Variants in RBM47 observed in about 807,000 individuals in gnomAD.
RBM47 encodes the protein RNA-binding protein 47.
Under a neutral mutation model 47.1 loss-of-function variants are expected in RBM47, and 21 were observed. The observed-to-expected ratio is 0.45, with a 90% CI of 0.32 to 0.64. The LOEUF (loss-of-function observed/expected upper bound fraction) is 0.64, where lower values mean the gene tolerates loss of function less well. Ranked by LOEUF, RBM47 falls within the 30% of genes least tolerant of loss-of-function variation. The pLI is 0.05. For missense variants in RBM47, 708 were observed against 870.9 expected, an observed-to-expected ratio of 0.81 and a Z score of 2.35; for synonymous variants, 375 against 361.7, an observed-to-expected ratio of 1.04 and a Z score of -0.42.
chr4:40,430,229 C>CAAAA (rs762752275), intron 6 of RBM47, among the ~76,000 whole-genome samples: 12 of 119,498 alleles, frequency 1.0e-4, no homozygotes, highest in African/African-American at 4.2e-4. Context: ...AACAAACAAA[C>CAAAA]AAAAAAAGAC....
At chr4:40,454,104 T>C (rs923045530) in intron 3 of RBM47, among the ~76,000 whole-genome samples, 5 of 152,204 alleles carry the variant, frequency 3.3e-5, no homozygotes, top group African/African-American at 9.6e-5. Flanking sequence ...CGTTTACATA[T>C]AGTCTGTGGC....
At chr4:40,504,739 T>C (rs532751514) in intron 2 of RBM47, among the ~76,000 whole-genome samples, 71 of 152,352 alleles carry the variant, frequency 4.7e-4, no homozygotes, top group Middle Eastern at 3.4e-3. Flanking sequence ...AAAAGAATAT[T>C]GGATTACTTA....
At chr4:40,475,585 AAAAC>A (rs1719485815) in intron 2 of RBM47, 1 of 152,236 alleles carries the variant, frequency 6.6e-6, no homozygotes, top group South Asian at 2.1e-4. Flanking sequence ...CTTCAATTAA[AAAAC>A]AAACAATATG....
intron 1 of RBM47, among the ~76,000 whole-genome samples, chr4:40,562,228 C>T (rs561972898): frequency 1.1e-3 from 170 of 152,112 alleles, no homozygotes; most frequent in Middle Eastern, 6.8e-3. Flanking sequence ...AGGATTAACA[C>T]GATCAAAGAA....
Position 40,605,973 on chromosome 4 carries a change from G to A in RBM47, c.-240+23423C>T, listed in dbSNP as rs1453604748. The stretch of plus-strand genomic sequence containing the variant: ...AGCACTTTGGGAGGCTGAGGCAGGC[G>A]GATCACTTGAGGTCAGGAATTCGAG... On this transcript the variant is annotated intron_variant, in intron 1 of 6. Transcript: ENST00000295971. Among the ~76,000 whole-genome samples the A allele has an allele frequency of 6.0e-5, 9 of 150,500 alleles. No homozygotes were observed. The East Asian group carries it at 7.9e-4, about 13-fold the overall frequency.
chr4:40,484,597 T>C (rs747891085), intron 2 of RBM47, among the ~76,000 whole-genome samples: 3 of 152,370 alleles, frequency 2.0e-5, no homozygotes, highest in South Asian at 4.1e-4. Context: ...CTTTTGATCA[T>C]GAGCTGCAAA....
At chr4:40,517,625 C>A (rs1466500978) in intron 2 of RBM47, among the ~76,000 whole-genome samples, 1 of 152,166 alleles carries the variant, frequency 6.6e-6, no homozygotes, top group Non-Finnish European at 1.5e-5. Context: ...CTGTGGGTTC[C>A]GCATCCCTGA....
intron 2 of RBM47, among the ~76,000 whole-genome samples, chr4:40,516,253 T>TTTTC (rs34594357): frequency 0.14 from 19,693 of 145,088 alleles, 1,502 homozygotes; most frequent in East Asian, 0.2. Context: ...TCTCTTTTTC[T>TTTTC]TTTCTTTCTT....
chr4:40,431,944 C>T (rs1030065671), intron 6 of RBM47, among the ~76,000 whole-genome samples: 1 of 151,612 alleles, frequency 6.6e-6, no homozygotes, highest in African/African-American at 2.4e-5. Flanking sequence ...GACCTCAAGG[C>T]TGGTCAAGTG....
At chr4:40,605,673 A>C (rs1414701687) in intron 1 of RBM47, among the ~76,000 whole-genome samples, 3 of 151,680 alleles carry the variant, frequency 2.0e-5, no homozygotes, top group Admixed American at 1.3e-4. Context: ...TCTACTAAAA[A>C]TACAAAAATT....
intron 2 of RBM47, among the ~76,000 whole-genome samples, chr4:40,483,466 C>G (rs1720688308): frequency 6.6e-6 from 1 of 152,220 alleles, no homozygotes; most frequent in South Asian, 2.1e-4. Flanking sequence ...GAGAGGACTT[C>G]AAGTTCTCCT....
chr4:40,474,918 T>G (rs1356183765), intron 2 of RBM47, among the ~76,000 whole-genome samples: 5 of 152,204 alleles, frequency 3.3e-5, no homozygotes, highest in Non-Finnish European at 7.4e-5. Context: ...TATTTTTCTT[T>G]AAAAGATTAG....
intron 2 of RBM47, among the ~76,000 whole-genome samples, chr4:40,482,480 C>T (rs1412052686): frequency 6.6e-6 from 1 of 152,106 alleles, no homozygotes; most frequent in Non-Finnish European, 1.5e-5. Flanking sequence ...TCTTGAACTC[C>T]TGACCTCAGG....
intron 2 of RBM47, among the ~76,000 whole-genome samples, chr4:40,470,288 G>A (rs1225039248): frequency 2.6e-5 from 4 of 151,562 alleles, no homozygotes; most frequent in Admixed American, 6.6e-5. Context: ...TCTTTATAAA[G>A]ACCAAATGGG....
intron 1 of RBM47, among the ~76,000 whole-genome samples, chr4:40,614,360 C>G (rs1736520701): frequency 6.6e-6 from 1 of 152,070 alleles, no homozygotes; most frequent in Admixed American, 6.6e-5. Flanking sequence ...AAGCCTAGTC[C>G]AAAATCTCCC....
chr4:40,457,434 A>AC (rs1339945939), intron 3 of RBM47, among the ~76,000 whole-genome samples: 3 of 151,704 alleles, frequency 2.0e-5, no homozygotes, highest in Non-Finnish European at 4.4e-5. Context: ...AAAAAAAAAA[A>AC]AAAACAAAAA....
intron 1 of RBM47, among the ~76,000 whole-genome samples, chr4:40,566,276 C>G (rs1306705429): frequency 6.6e-6 from 1 of 152,138 alleles, no homozygotes. Context: ...CTCATTCTCA[C>G]AATAAGTCAC....
Position 40,581,268 on chromosome 4 carries a change from A to G in RBM47, c.-239-36762T>C, listed in dbSNP as rs181437666. On this transcript the variant is annotated intron_variant, in intron 1 of 6. Coordinates refer to ENST00000295971, the MANE Select transcript of RBM47 (RefSeq NM_001098634.2). Reference sequence around the variant, plus strand: ...GAGACCTCATCTCTACAAAACATTTAAAAATTAGCTGAGCATGGTGACATG... The same window carrying G: ...GAGACCTCATCTCTACAAAACATTTGAAAATTAGCTGAGCATGGTGACATG... Among the ~76,000 whole-genome samples, 549 of 152,098 alleles carry G rather than the reference A, an allele frequency of 3.6e-3. 5 individuals are homozygous for G. Among genetic ancestry groups the G allele is most frequent in the African/African-American group, 0.013 (530 of 41,492 alleles).
At chr4:40,546,343 T>C (rs546094988) in intron 1 of RBM47, among the ~76,000 whole-genome samples, 1 of 152,138 alleles carries the variant, frequency 6.6e-6, no homozygotes, top group South Asian at 2.1e-4. Context: ...AGAGATGGGG[T>C]TTCACCATGT....
Sources: gnomAD v4.1 joint callset for allele counts (sites outside exome capture counted in the v4.1 genomes callset) on GRCh38, gnomAD v4.1.1 for gene constraint, MANE v1.5 for transcripts, NCBI Gene and HGNC (gene_info 2026-07-23, HGNC 2026-07-21) for gene names.